The following HECTD4 variants were observed in gnomAD, a reference collection of about 807,000 sequenced individuals.
HECTD4 encodes the protein probable E3 ubiquitin-protein ligase HECTD4.
HECTD4 carries 114 observed loss-of-function variants against 471.5 expected under a neutral mutation model. The ratio of observed to expected loss-of-function variants is 0.24; its 90% CI spans 0.21 to 0.28. The LOEUF (loss-of-function observed/expected upper bound fraction) is 0.28. HECTD4 is among the 10% of genes least tolerant of loss of function. The pLI, the probability that HECTD4 is intolerant of heterozygous loss-of-function variation, is 1.00. For synonymous variants in HECTD4, 2,012 were observed against 2,256.0 expected (o/e 0.89, Z 3.07); for missense variants, 3,866 against 5,651.5 (o/e 0.68, Z 10.13).
chr12:112,302,300 C>G, intron 7 of HECTD4: 1 of 782,660 alleles, frequency 1.3e-6, no homozygotes, highest in South Asian at 1.4e-5. Flanking sequence ...GCCCCCTTTG[C>G]CAGCAGCTTT....
At chr12:112,284,417 C>T (rs2034706880) in intron 7 of HECTD4, among the ~76,000 whole-genome samples, 1 of 152,118 alleles carries the variant, frequency 6.6e-6, no homozygotes, top group South Asian at 2.1e-4. Context: ...GGCAAATCTT[C>T]AGAAGCAAAG....
At position 112,243,398 on chromosome 12, in the gene HECTD4, G is replaced by T; in HGVS notation, c.4913C>A (p.Thr1638Lys). Reference sequence around the variant, plus strand: ...CATCGTCACTGGACCCACAAGATGCGTCACTCCCCCGACTCGTACGGCAGC... The same window carrying T: ...CATCGTCACTGGACCCACAAGATGCTTCACTCCCCCGACTCGTACGGCAGC... ...LTAAVRVGGVTHLVGPVTMVL... is the reference protein window; with the variant it reads ...LTAAVRVGGVKHLVGPVTMVL... Residue 1638 changes from threonine (T) to lysine (K), a missense_variant, in exon 32 of 76, where the codon ACG becomes AAG. This residue lies in a region of HECTD4 where 229 missense variants were observed against 386.4 expected (regional missense o/e 0.59). Coordinates refer to ENST00000682272, the MANE Select transcript of HECTD4 (RefSeq NM_001388303.1). This position sits in a 1 kb window ranked among gnomAD's most constrained non-coding sequence, Gnocchi z 6.6. 1.9e-6 allele frequency: 3 copies of T among 1,612,590 alleles called. No individual in the cohort carries two copies. Among genetic ancestry groups the T allele is most frequent in the Non-Finnish European group, 2.5e-6 (3 of 1,179,308 alleles).
chr12:112,282,712 T>G (rs1464588398), intron 8 of HECTD4, among the ~76,000 whole-genome samples: 3 of 152,226 alleles, frequency 2.0e-5, no homozygotes, highest in Non-Finnish European at 4.4e-5. Flanking sequence ...AACTAAATGA[T>G]AAATTCTAAA....
intron 1 of HECTD4, among the ~76,000 whole-genome samples, chr12:112,349,690 T>C (rs2036219617): frequency 6.6e-6 from 1 of 151,890 alleles, no homozygotes; most frequent in Admixed American, 6.6e-5. Flanking sequence ...AATATGGTGG[T>C]CAGCAGGAAA....
chr12:112,318,257 T>C (rs1312449134), intron 2 of HECTD4, among the ~76,000 whole-genome samples: 3 of 151,656 alleles, frequency 2.0e-5, no homozygotes, highest in African/African-American at 7.3e-5. Context: ...AGAGTGAGAC[T>C]CTGTCTCAAA....
intron 52 of HECTD4, among the ~76,000 whole-genome samples, chr12:112,205,495 G>A (rs916712424): frequency 6.6e-6 from 1 of 152,220 alleles, no homozygotes; most frequent in East Asian, 1.9e-4. Context: ...ACTAAAAATG[G>A]TCCATTATTT....
At position 112,173,890 on chromosome 12, in the gene HECTD4, A is replaced by G. The variant is rs1429612637; in HGVS notation, c.11595-1029T>C. On this transcript the variant is annotated intron_variant, in intron 66 of 75. Coordinates refer to ENST00000682272, the MANE Select transcript of HECTD4 (RefSeq NM_001388303.1). The surrounding 1 kb of genome is among the most constrained non-coding windows in gnomAD (Gnocchi z 4.3). ...ACTCTGAGCCTTCAACAATGGTACAAAAGGCTGGCACCAAGCAGTAAAGCA... is the reference window on the plus strand; with the variant it reads ...ACTCTGAGCCTTCAACAATGGTACAGAAGGCTGGCACCAAGCAGTAAAGCA... 6.6e-6 allele frequency among the ~76,000 whole-genome samples: 1 copy of G among 152,148 alleles called. No homozygotes were observed. The highest frequency in any genetic ancestry group is 1.5e-5 in the Non-Finnish European group (1 of 68,030).
chr12:112,271,419 A>G lies in HECTD4; in HGVS notation c.1943-960T>C, dbSNP rs4766865. On this transcript the variant is annotated intron_variant, in intron 11 of 75. Coordinates refer to ENST00000682272, the MANE Select transcript of HECTD4 (RefSeq NM_001388303.1). ...TGGAGAAATCTGGCAGACATCATTT[A>G]AACAAAGTGATCAGTTTTTAATATC... 0.055 allele frequency among the ~76,000 whole-genome samples: 8,452 copies of G among 152,310 alleles called. 1,294 individuals carry two copies. The East Asian group carries it at 0.61, about 11-fold the overall frequency.
chr12:112,356,327 T>C (rs1423473147), intron 1 of HECTD4, among the ~76,000 whole-genome samples: 6 of 152,176 alleles, frequency 3.9e-5, no homozygotes, highest in Non-Finnish European at 8.8e-5. Context: ...ATTACAGCTA[T>C]ATATGTTCTA....
chr12:112,335,086 A>C (rs1201828101), intron 1 of HECTD4, among the ~76,000 whole-genome samples: 2 of 152,104 alleles, frequency 1.3e-5, no homozygotes, highest in Non-Finnish European at 2.9e-5. Flanking sequence ...TGCAATTGCA[A>C]AAATGTGCCA....
chr12:112,277,779 A>C (rs1269496730), intron 9 of HECTD4, among the ~76,000 whole-genome samples: 1 of 152,208 alleles, frequency 6.6e-6, no homozygotes. Flanking sequence ...CGAGGGAAAA[A>C]TGATTCTATA....
At chr12:112,355,287 CAAA>C (rs1310033896) in intron 1 of HECTD4, among the ~76,000 whole-genome samples, 1 of 111,448 alleles carries the variant, frequency 9.0e-6, no homozygotes, top group Non-Finnish European at 1.7e-5. Context: ...AAATGGGATT[CAAA>C]AAAAAAAAAA....
At chr12:112,308,421 T>C (rs950264665) in intron 6 of HECTD4, among the ~76,000 whole-genome samples, 63 of 136,954 alleles carry the variant, frequency 4.6e-4, no homozygotes, top group African/African-American at 1.6e-3. Context: ...AAAATAGATC[T>C]GGTTCAAAAA....
At chr12:112,175,603 A>AC (rs1490889683) in intron 66 of HECTD4, 133 bp downstream of exon 66, 2 of 1,131,656 alleles carry the variant, frequency 1.8e-6, no homozygotes, top group African/African-American at 3.1e-5. Flanking sequence ...CTTAGGAAAA[A>AC]ACTCAGAAAT....
At position 112,340,377 on chromosome 12, in the gene HECTD4, G is replaced by A. The variant is rs578112676; in HGVS notation, c.178-20635C>T. ...ATGCACAAGCTACACTTGGGATGAT[G>A]CTGCAATCAGCTCTGCCTCTGGAAG... On this transcript the variant is annotated intron_variant, in intron 1 of 75. Coordinates refer to ENST00000682272, the MANE Select transcript of HECTD4 (RefSeq NM_001388303.1). Among the ~76,000 whole-genome samples the A allele has an allele frequency of 7.6e-4, 116 of 152,248 alleles. 4 individuals are homozygous for A. Among genetic ancestry groups the A allele is most frequent in the South Asian group, 4.1e-4 (2 of 4,828 alleles).
chr12:112,265,467 A>G (rs2034247655), intron 15 of HECTD4, among the ~76,000 whole-genome samples, 172 bp from the exon 16 acceptor site: 1 of 152,244 alleles, frequency 6.6e-6, no homozygotes, highest in Admixed American at 6.5e-5. Flanking sequence ...TCAAACTTAT[A>G]GAAATCAAAT....
chr12:112,173,012 C>T lies in HECTD4; in HGVS notation c.11595-151G>A, dbSNP rs1182760467. ...AGGTTGTTTCTTGGTGCCTGGACAG[C>T]TCCTCATGGGGAAAGCTCTTTCAAA... is the stretch of plus-strand genomic sequence containing the variant. On this transcript the variant is annotated intron_variant, in intron 66 of 75. Coordinates refer to ENST00000682272, the MANE Select transcript of HECTD4 (RefSeq NM_001388303.1). The surrounding 1 kb of genome is among the most constrained non-coding windows in gnomAD (Gnocchi z 4.3). Among the ~76,000 whole-genome samples the T allele has an allele frequency of 6.6e-6, 1 of 152,180 alleles. No homozygotes were observed. The highest frequency in any genetic ancestry group is 1.5e-5 in the Non-Finnish European group (1 of 68,032).
At chr12:112,289,558 C>T (rs1249986099) in intron 7 of HECTD4, among the ~76,000 whole-genome samples, 1 of 151,740 alleles carries the variant, frequency 6.6e-6, no homozygotes, top group African/African-American at 2.4e-5. Flanking sequence ...GATGGTGTTC[C>T]AAGAATTTTT....
At chr12:112,214,373 T>G (rs1407385706) in intron 48 of HECTD4, among the ~76,000 whole-genome samples, 1 of 152,162 alleles carries the variant, frequency 6.6e-6, no homozygotes, top group Non-Finnish European at 1.5e-5. Flanking sequence ...TCCTATGGCT[T>G]AGGTACCACA....
Sources: gnomAD v4.1 joint callset for allele counts (sites outside exome capture counted in the v4.1 genomes callset) on GRCh38, gnomAD v4.1.1 for gene constraint, gnomAD v4.1.1 regional missense constraint, Gnocchi (gnomAD v3.1) non-coding constraint, MANE v1.5 for transcripts, NCBI Gene and HGNC (gene_info 2026-07-23, HGNC 2026-07-21) for gene names.